Variants in LIMA1 observed in about 807,000 individuals in gnomAD.
LIMA1 encodes the protein LIM domain and actin-binding protein 1.
Under a neutral mutation model 62.6 loss-of-function variants are expected in LIMA1, and 52 were observed. The observed-to-expected ratio is 0.83, with a 90% CI of 0.67 to 1.05. The LOEUF (loss-of-function observed/expected upper bound fraction) is 1.05, where lower values mean the gene tolerates loss of function less well. LIMA1 is among the 50% of genes least tolerant of loss of function. The probability of loss-of-function intolerance (pLI) is 0.00; values close to 1 mark genes in which losing one functional copy is unlikely to be tolerated. For synonymous variants in LIMA1, 302 were observed against 317.8 expected, an observed-to-expected ratio of 0.95 and a Z score of 0.53; for missense variants, 780 against 902.2, an observed-to-expected ratio of 0.86 and a Z score of 1.74.
rs1224206429 is a variant in LIMA1 at position 50,260,853 on chromosome 12, G to A, written c.-23-12079C>T. Among the ~76,000 whole-genome samples the A allele has an allele frequency of 2.0e-5, 3 of 147,026 alleles. No individual in the cohort carries two copies. The Admixed American group carries it at 2.1e-4, about 10-fold the overall frequency. ...GCAAGAGGCTAAGGGCATGGGGCAT[G>A]GATTAGAATTTAGCTGTTGAGATCT... is the stretch of plus-strand genomic sequence containing the variant. On this transcript the variant is annotated intron_variant, in intron 1 of 10. Transcript: ENST00000341247.
chr12:50,235,888 G>A (rs1941684992), intron 2 of LIMA1, among the ~76,000 whole-genome samples: 1 of 152,168 alleles, frequency 6.6e-6, no homozygotes, highest in African/African-American at 2.4e-5. Flanking sequence ...TTCACGGCTG[G>A]GTGCGGTGTC....
rs556989226 is a variant in LIMA1 at position 50,243,292 on chromosome 12, C to A, written c.119+5341G>T. Reference sequence around the variant, plus strand: ...TTAAGCTTCCTCCAAACAACAATTTCATATTAATCTCTGATCAGAGACCTC... The same window carrying A: ...TTAAGCTTCCTCCAAACAACAATTTAATATTAATCTCTGATCAGAGACCTC... On this transcript the variant is annotated intron_variant, in intron 2 of 10. Coordinates refer to ENST00000341247, the MANE Select transcript of LIMA1 (RefSeq NM_016357.5). 2.0e-4 allele frequency among the ~76,000 whole-genome samples: 30 copies of A among 152,334 alleles called. No individual in the cohort carries two copies. The South Asian group carries it at 4.3e-3, about 22-fold the overall frequency.
At chr12:50,253,592 G>A (rs1469986314) in intron 1 of LIMA1, among the ~76,000 whole-genome samples, 1 of 152,162 alleles carries the variant, frequency 6.6e-6, no homozygotes, top group Non-Finnish European at 1.5e-5. Context: ...TTTTCAGTAA[G>A]AGAATAGTGG....
chr12:50,269,781 G>T (rs867704033), intron 1 of LIMA1, among the ~76,000 whole-genome samples: 3 of 151,460 alleles, frequency 2.0e-5, no homozygotes, highest in African/African-American at 4.9e-5. Flanking sequence ...TTAGCCGGGT[G>T]TGGTGGCACA....
chr12:50,220,375 T>C (rs1209179834), intron 4 of LIMA1: 1 of 152,192 alleles, frequency 6.6e-6, no homozygotes, highest in Non-Finnish European at 1.5e-5. Flanking sequence ...AGATCTTATA[T>C]GGAAAGTTTT....
chr12:50,195,773 C>A (rs971391390), intron 8 of LIMA1, 57 bp downstream of exon 8: 12 of 1,545,674 alleles, frequency 7.8e-6, no homozygotes, highest in Non-Finnish European at 1.0e-5. Context: ...CACCCCTGAA[C>A]CAAATACAGA....
chr12:50,263,847 T>TTGAG (rs1555210879), intron 1 of LIMA1, among the ~76,000 whole-genome samples: 3 of 101,676 alleles, frequency 3.0e-5, no homozygotes, highest in African/African-American at 1.3e-4. Flanking sequence ...TATATATATA[T>TTGAG]ATATAGAGAG....
At chr12:50,219,357 C>T (rs747655142) in intron 4 of LIMA1, among the ~76,000 whole-genome samples, 6 of 151,832 alleles carry the variant, frequency 4.0e-5, no homozygotes, top group East Asian at 3.9e-4. Flanking sequence ...TGGTGGCGGG[C>T]GCCTATAATC....
At chr12:50,269,929 A>T (rs569632112) in intron 1 of LIMA1, among the ~76,000 whole-genome samples, 178 of 149,586 alleles carry the variant, frequency 1.2e-3, no homozygotes, top group Non-Finnish European at 1.6e-3. Context: ...AAATAAAAAA[A>T]AAAAAAAAAA....
chr12:50,226,817 G>A (rs1257290660), intron 3 of LIMA1, among the ~76,000 whole-genome samples: 1 of 145,028 alleles, frequency 6.9e-6, no homozygotes, highest in African/African-American at 2.6e-5. Context: ...CCAGCCTGGC[G>A]AAAGAGCAAG....
chr12:50,264,497 C>T (rs1942115179), intron 1 of LIMA1, among the ~76,000 whole-genome samples: 1 of 152,238 alleles, frequency 6.6e-6, no homozygotes, highest in Non-Finnish European at 1.5e-5. Flanking sequence ...CACCCTTACC[C>T]CATGACCCTC....
chr12:50,198,542 A>T (rs555797259), intron 7 of LIMA1, among the ~76,000 whole-genome samples: 6 of 152,180 alleles, frequency 3.9e-5, no homozygotes, highest in African/African-American at 7.2e-5. Context: ...TGACAGAGCA[A>T]GACCTCATCT....
At chr12:50,254,679 A>AG (rs921327367) in intron 1 of LIMA1, among the ~76,000 whole-genome samples, 3 of 152,214 alleles carry the variant, frequency 2.0e-5, no homozygotes, top group Non-Finnish European at 4.4e-5. Context: ...GCTTACGGTG[A>AG]GGCCGGTAAC....
chr12:50,193,184 C>T (rs963520566), intron 8 of LIMA1, among the ~76,000 whole-genome samples: 1 of 151,880 alleles, frequency 6.6e-6, no homozygotes, highest in Non-Finnish European at 1.5e-5. Flanking sequence ...CAACAAAGTA[C>T]TAAAATATTA....
rs917334186 is a variant in LIMA1, at chr12:50,176,956, A to G, written c.*108T>C. On this transcript the variant is annotated 3_prime_UTR_variant, in exon 11 of 11. Coordinates refer to ENST00000341247, the MANE Select transcript of LIMA1 (RefSeq NM_016357.5). ...TTCTTTTCCAAAGTTACTTCCAAGT[A>G]AATTACATTTCATGCTGGGATACCT... 1 of 878,230 alleles carries G rather than the reference A, an allele frequency of 1.1e-6. No individual in the cohort carries two copies. The allele number at this position is 878,230 out of a possible 1,614,324, so 54.4% of individuals were successfully genotyped here. A position where few individuals can be genotyped will look rare whatever the true frequency, so the allele number is the denominator to read the frequency against.
At chr12:50,196,410 T>G (rs984008118) in intron 7 of LIMA1, among the ~76,000 whole-genome samples, 8 of 152,220 alleles carry the variant, frequency 5.3e-5, no homozygotes, top group African/African-American at 1.9e-4. Flanking sequence ...TACCTAAAAC[T>G]AACCTCAGTA....
chr12:50,260,809 A>G (rs1191670533), intron 1 of LIMA1, among the ~76,000 whole-genome samples: 1 of 151,578 alleles, frequency 6.6e-6, no homozygotes, highest in Non-Finnish European at 1.5e-5. Flanking sequence ...ACACAGGGAC[A>G]CATTTTGGAA....
chr12:50,264,146 T>C (rs1942111563), intron 1 of LIMA1, among the ~76,000 whole-genome samples: 1 of 151,882 alleles, frequency 6.6e-6, no homozygotes, highest in Non-Finnish European at 1.5e-5. Flanking sequence ...TACATTTATA[T>C]GAAAGGTCCA....
chr12:50,221,128 C>T (rs1941432570), intron 4 of LIMA1, among the ~76,000 whole-genome samples: 1 of 151,768 alleles, frequency 6.6e-6, no homozygotes, highest in Non-Finnish European at 1.5e-5. Context: ...GGGACTTGGG[C>T]CAAATATTTA....
Sources: allele counts gnomAD v4.1 joint callset (sites outside exome capture counted in the v4.1 genomes callset), GRCh38; gene constraint gnomAD v4.1.1; transcripts MANE v1.5; gene names NCBI Gene and HGNC (gene_info 2026-07-23, HGNC 2026-07-21).